The following TRIM3 variants were observed in gnomAD, a reference collection of about 807,000 sequenced individuals.
TRIM3 encodes tripartite motif containing 3.
A neutral mutation model predicts 66.6 loss-of-function variants in TRIM3; 13 were observed. The observed-to-expected ratio is 0.20, with a 90% CI of 0.13 to 0.31. The LOEUF (loss-of-function observed/expected upper bound fraction) is 0.31. Ranked by LOEUF, TRIM3 falls within the 10% of genes least tolerant of loss-of-function variation. TRIM3 has a pLI of 1.00. For synonymous variants in TRIM3, 406 were observed against 411.7 expected (o/e 0.99, Z 0.17); for missense variants, 711 against 1,020.4 (o/e 0.70, Z 4.13).
At position 6,458,366 on chromosome 11, in the gene TRIM3, C is replaced by A; in HGVS notation, c.132-70G>T. On this transcript the variant is annotated intron_variant, in intron 2 of 11. Coordinates refer to ENST00000345851, the MANE Select transcript of TRIM3 (RefSeq NM_033278.4). This position sits in a 1 kb window ranked among gnomAD's most constrained non-coding sequence, Gnocchi z 6.2. ...TAAGTGCACCCTTCCTTATACTTCC[C>A]ATGGGTGCCAACCCCTTCCCTCACA... 1 of 1,306,272 alleles carries A rather than the reference C, an allele frequency of 7.7e-7. No homozygotes were observed. The highest frequency in any genetic ancestry group is 2.3e-5 in the East Asian group (1 of 42,644). The allele number at this position is 1,306,272 out of a possible 1,614,324, so 80.9% of individuals were successfully genotyped here.
chr11:6,469,208 G>A (rs1190130332), intron 1 of TRIM3, among the ~76,000 whole-genome samples: 1 of 152,174 alleles, frequency 6.6e-6, no homozygotes, highest in Non-Finnish European at 1.5e-5. Context: ...GGGTCCTGCT[G>A]GGGTAGCTGG....
chr11:6,456,428 C>G lies in TRIM3; in HGVS notation c.1298G>C (p.Arg433Pro). ...GGGGCCGCCAGGGGACTTGACACGG[C>G]GCTTCACATCGTCCGGGGAAGGTGG... Reference protein sequence around the residue: ...DLPPSPDDVKRRVKSPGGPGS... With the variant: ...DLPPSPDDVKPRVKSPGGPGS... Residue 433 changes from arginine (R) to proline (P), a missense_variant, in exon 6 of 12, where the codon CGC becomes CCC. Coordinates refer to ENST00000345851, the MANE Select transcript of TRIM3 (RefSeq NM_033278.4). This position sits in a 1 kb window ranked among gnomAD's most constrained non-coding sequence, Gnocchi z 6.4. 6.5e-7 allele frequency: 1 copy of G among 1,533,360 alleles called. No homozygotes were observed. Among genetic ancestry groups the G allele is most frequent in the Non-Finnish European group, 8.8e-7 (1 of 1,138,000 alleles). 95.0% of individuals were successfully genotyped at this position (1,533,360 alleles called of 1,614,324 possible).
intron 1 of TRIM3, among the ~76,000 whole-genome samples, chr11:6,471,239 A>G (rs1034645530): frequency 2.3e-4 from 35 of 152,250 alleles, no homozygotes; most frequent in Non-Finnish European, 4.4e-5. Flanking sequence ...GGAGGTAACC[A>G]AGGCATTGTT....
chr11:6,461,530 T>C (rs1454309548), intron 2 of TRIM3, among the ~76,000 whole-genome samples: 1 of 133,290 alleles, frequency 7.5e-6, no homozygotes, highest in Non-Finnish European at 1.5e-5. Context: ...CATCCCCCAT[T>C]GTGATTTCTT....
At chr11:6,461,001 G>A (rs1170760993) in intron 2 of TRIM3, among the ~76,000 whole-genome samples, 1 of 144,588 alleles carries the variant, frequency 6.9e-6, no homozygotes, top group Non-Finnish European at 1.5e-5. Context: ...CACCTCCCGG[G>A]TTCAAGCGAT....
At chr11:6,472,828 A>G (rs561414277) in intron 1 of TRIM3, among the ~76,000 whole-genome samples, 1 of 152,348 alleles carries the variant, frequency 6.6e-6, no homozygotes, top group East Asian at 1.9e-4. Context: ...GAGGCATACA[A>G]GCCCAAGGAG....
chr11:6,456,071 C>G lies in TRIM3; in HGVS notation c.1533+1G>C. The G allele has an allele frequency of 1.2e-6, 2 of 1,614,038 alleles. No individual in the cohort carries two copies. Among genetic ancestry groups the G allele is most frequent in the Non-Finnish European group, 1.7e-6 (2 of 1,179,942 alleles). On this transcript the variant is annotated splice_donor_variant, in intron 7 of 11. Coordinates refer to ENST00000345851, the MANE Select transcript of TRIM3 (RefSeq NM_033278.4). LOFTEE classifies it high-confidence loss of function. This position sits in a 1 kb window ranked among gnomAD's most constrained non-coding sequence, Gnocchi z 6.4. ...TGGAGGAGAGCGGTAAAGGTGCTTA[C>G]CTGAATACACTGGTTGTTGCTGTCT...
chr11:6,462,735 T>C (rs1374429229), intron 2 of TRIM3, among the ~76,000 whole-genome samples: 1 of 152,100 alleles, frequency 6.6e-6, no homozygotes, highest in Non-Finnish European at 1.5e-5. Context: ...AATTATTTAC[T>C]GACTTTGAAC....
At chr11:6,464,715 G>A (rs533965126) in intron 2 of TRIM3, among the ~76,000 whole-genome samples, 7 of 152,176 alleles carry the variant, frequency 4.6e-5, no homozygotes, top group East Asian at 3.9e-4. Context: ...GAGTAAGCAC[G>A]GTAGCTCACG....
Position 6,450,635 on chromosome 11 carries a change from G to C in TRIM3, c.1871-14C>G, listed in dbSNP as rs868258571. Reference sequence around the variant, plus strand: ...CAAAATGGGGCCCTGAAAATACAAAGTGGTCTTCAGGGCAGTAAGCTGGGA... The same window carrying C: ...CAAAATGGGGCCCTGAAAATACAAACTGGTCTTCAGGGCAGTAAGCTGGGA... On this transcript the variant is annotated splice_polypyrimidine_tract_variant and intron_variant, in intron 9 of 11. Transcript: ENST00000345851. This position sits in a 1 kb window ranked among gnomAD's most constrained non-coding sequence, Gnocchi z 4.8. 2 of 1,613,496 alleles carry C rather than the reference G, an allele frequency of 1.2e-6. No homozygotes were observed. The highest frequency in any genetic ancestry group is 8.5e-7 in the Non-Finnish European group (1 of 1,179,438).
intron 7 of TRIM3, among the ~76,000 whole-genome samples, chr11:6,453,578 T>C (rs1428140941): frequency 1.3e-5 from 2 of 152,168 alleles, no homozygotes; most frequent in Admixed American, 6.5e-5. Flanking sequence ...AAAAGTACTA[T>C]AGCAAAAGGC....
rs944846208 is a variant in TRIM3 at position 6,456,649 on chromosome 11, G to A, written c.1077C>T (p.Ser359=). 2 of 1,610,194 alleles carry A rather than the reference G, an allele frequency of 1.2e-6. No individual in the cohort carries two copies. Among genetic ancestry groups the A allele is most frequent in the Admixed American group, 1.7e-5 (1 of 59,968 alleles). Residue 359 remains serine (S), a synonymous_variant, in exon 6 of 12, where the codon AGC becomes AGT. Transcript: ENST00000345851. The surrounding 1 kb of genome is among the most constrained non-coding windows in gnomAD (Gnocchi z 6.4). ...CGGTGATCTCTGCACGCAGCTCAGCGCTGCCTGTGCGCACCAACCGCCCGT... is the reference window on the plus strand; with the variant it reads ...CGGTGATCTCTGCACGCAGCTCAGCACTGCCTGTGCGCACCAACCGCCCGT... ...DKDGRLVRTG[S]AELRAEITGP...
Position 6,457,545 on chromosome 11 carries a change from G to C in TRIM3, c.516-69C>G. ...TGCCGAACTTTCCCTTCTCCCTGGG[G>C]AACCTACTGCTGCCCTCATGGAGAT... is the stretch of plus-strand genomic sequence containing the variant. On this transcript the variant is annotated intron_variant, in intron 4 of 11. Coordinates refer to ENST00000345851, the MANE Select transcript of TRIM3 (RefSeq NM_033278.4). The surrounding 1 kb of genome is among the most constrained non-coding windows in gnomAD (Gnocchi z 4.5). 6.3e-7 allele frequency: 1 copy of C among 1,578,182 alleles called. No homozygotes were observed. Among genetic ancestry groups the C allele is most frequent in the South Asian group, 1.2e-5 (1 of 86,378 alleles).
chr11:6,451,438 C>T lies in TRIM3; in HGVS notation c.1534G>A (p.Val512Ile), dbSNP rs1849714484. 1.2e-6 allele frequency: 2 copies of T among 1,613,952 alleles called. No homozygotes were observed. The highest frequency in any genetic ancestry group is 1.7e-6 in the Non-Finnish European group (2 of 1,179,912). ...TTGAACTGGCCCTCATTGGAGAAAA[C>T]CTGGAGCAGAGGAGCAAGGGGAGGG... ...VADSNNQCIQ[V>I]FSNEGQFKFR... Residue 512 changes from valine to isoleucine, a missense_variant and splice_region_variant, in exon 8 of 12, where the codon GTT becomes ATT. Physicochemically the swap from Val to Ile is conservative, Grantham distance 29 (BLOSUM62 3). Coordinates refer to ENST00000345851, the MANE Select transcript of TRIM3 (RefSeq NM_033278.4).
intron 2 of TRIM3, among the ~76,000 whole-genome samples, chr11:6,462,080 G>A (rs1294996359): frequency 6.6e-6 from 1 of 152,118 alleles, no homozygotes; most frequent in Non-Finnish European, 1.5e-5. Context: ...TCTATTGCCT[G>A]GAACAATCTG....
Position 6,450,497 on chromosome 11 carries a change from T to C in TRIM3, c.1941+54A>G. ...GGAGGTAAAATAGAGAGGAGTCTTG[T>C]GGAAGAGGAAAGGATGTTGGGACAG... On this transcript the variant is annotated intron_variant, in intron 10 of 11. Transcript: ENST00000345851. This position sits in a 1 kb window ranked among gnomAD's most constrained non-coding sequence, Gnocchi z 4.8. 1 of 1,487,860 alleles carries C rather than the reference T, an allele frequency of 6.7e-7. No individual in the cohort carries two copies. Among genetic ancestry groups the C allele is most frequent in the Non-Finnish European group, 9.4e-7 (1 of 1,064,930 alleles). The allele number at this position is 1,487,860 out of a possible 1,614,324, so 92.2% of individuals were successfully genotyped here.
At chr11:6,468,545 C>A (rs1027979785) in intron 1 of TRIM3, among the ~76,000 whole-genome samples, 2 of 152,020 alleles carry the variant, frequency 1.3e-5, no homozygotes, top group Non-Finnish European at 2.9e-5. Flanking sequence ...GTAGGAAAAC[C>A]AAAAGAATGT....
chr11:6,452,716 G>C (rs1050696483), intron 7 of TRIM3: 1 of 152,186 alleles, frequency 6.6e-6, no homozygotes, highest in Non-Finnish European at 1.5e-5. Context: ...TGAGCTCCAC[G>C]AGCTAAATAG....
chr11:6,455,578 G>A (rs1292100004), intron 7 of TRIM3, among the ~76,000 whole-genome samples: 1 of 152,158 alleles, frequency 6.6e-6, no homozygotes, highest in Non-Finnish European at 1.5e-5. Flanking sequence ...ACAACTTCTA[G>A]CCACTGAAAG....
Sources: gnomAD v4.1 joint callset for allele counts (sites outside exome capture counted in the v4.1 genomes callset) on GRCh38, gnomAD v4.1.1 for gene constraint, Gnocchi (gnomAD v3.1) non-coding constraint, MANE v1.5 for transcripts, NCBI Gene and HGNC (gene_info 2026-07-23, HGNC 2026-07-21) for gene names.